Variants in ACVR1C observed in about 807,000 individuals in gnomAD.
ACVR1C encodes the protein activin receptor type-1C.
A neutral mutation model predicts 57.9 loss-of-function variants in ACVR1C; 23 were observed. That is an observed-to-expected ratio of 0.40 (90% confidence interval 0.29 to 0.56). The LOEUF (loss-of-function observed/expected upper bound fraction) is 0.56, where lower values mean the gene tolerates loss of function less well. ACVR1C is among the 20% of genes least tolerant of loss of function. The pLI, the probability that ACVR1C is intolerant of heterozygous loss-of-function variation, is 0.50. For missense variants in ACVR1C, 480 were observed against 607.9 expected (o/e 0.79, Z 2.21); for synonymous variants, 214 against 215.3 (o/e 0.99, Z 0.05).
intron 1 of ACVR1C, among the ~76,000 whole-genome samples, chr2:157,587,638 A>T (rs1476164917): frequency 1.3e-5 from 2 of 152,060 alleles, no homozygotes; most frequent in African/African-American, 4.8e-5. Context: ...TTTGTGATTT[A>T]TTCCAGTTGC....
chr2:157,534,142 T>A, intron 8 of ACVR1C, 99 bp from the exon 9 acceptor site: 3 of 720,196 alleles, frequency 4.2e-6, no homozygotes, highest in Non-Finnish European at 5.5e-6. Context: ...ATGCTAAGCT[T>A]TTTTTTTTTT....
chr2:157,558,010 T>G (rs1400938495), intron 2 of ACVR1C, among the ~76,000 whole-genome samples: 1 of 152,180 alleles, frequency 6.6e-6, no homozygotes, highest in South Asian at 2.1e-4. Flanking sequence ...GTCCTACTAC[T>G]GTGGTGTTGA....
At chr2:157,612,905 A>T (rs1234760433) in intron 1 of ACVR1C, among the ~76,000 whole-genome samples, 1 of 152,044 alleles carries the variant, frequency 6.6e-6, no homozygotes, top group Non-Finnish European at 1.5e-5. Context: ...TGACAGCAGA[A>T]CTCTCACAAT....
chr2:157,545,129 T>C (rs1015858480), intron 4 of ACVR1C, among the ~76,000 whole-genome samples: 3 of 152,332 alleles, frequency 2.0e-5, no homozygotes, highest in South Asian at 2.1e-4. Context: ...CAAAAGCTTA[T>C]AGTAAGAGCC....
At chr2:157,575,844 A>C (rs1344743263) in intron 2 of ACVR1C, among the ~76,000 whole-genome samples, 1 of 152,196 alleles carries the variant, frequency 6.6e-6, no homozygotes, top group East Asian at 1.9e-4. Context: ...ATGTGCAAAA[A>C]AACAAGTCAG....
intron 4 of ACVR1C, among the ~76,000 whole-genome samples, chr2:157,548,946 C>T (rs150438929): frequency 3.9e-4 from 59 of 152,220 alleles, no homozygotes; most frequent in African/African-American, 1.3e-3. Flanking sequence ...GGCTGTCATA[C>T]GGATGAAAAA....
intron 1 of ACVR1C, among the ~76,000 whole-genome samples, chr2:157,607,179 T>C (rs897882623): frequency 3.9e-5 from 6 of 151,970 alleles, no homozygotes; most frequent in Admixed American, 3.9e-4. Flanking sequence ...TATGTGTCTA[T>C]TTTTATACCA....
In ACVR1C at chr2:157,606,029, C is replaced by T. The variant is rs371433603; in HGVS notation, c.74-18612G>A. Among the ~76,000 whole-genome samples, 25 of 151,682 alleles carry T rather than the reference C, an allele frequency of 1.6e-4. No homozygotes were observed. The Middle Eastern group carries it at 0.01, about 62-fold the overall frequency. ...TCATGAGAGCAAGTTTTTTAACTCC[C>T]ACATATGAATGAGAACATATGGTAT... On this transcript the variant is annotated intron_variant, in intron 1 of 8. Transcript: ENST00000243349.
At chr2:157,562,306 AT>A (rs1172282199) in intron 2 of ACVR1C, among the ~76,000 whole-genome samples, 1,220 of 109,488 alleles carry the variant, frequency 0.011, 10 homozygotes, top group Non-Finnish European at 0.014. Flanking sequence ...AAAAAAAAAA[AT>A]ATATATATAT....
chr2:157,546,817 AT>A (rs1247308654), intron 4 of ACVR1C, among the ~76,000 whole-genome samples: 7 of 151,786 alleles, frequency 4.6e-5, no homozygotes, highest in East Asian at 1.9e-4. Flanking sequence ...ATTTTATTTT[AT>A]TTTTTTTCTT....
chr2:157,613,051 C>G (rs1384575991), intron 1 of ACVR1C, among the ~76,000 whole-genome samples: 1 of 152,218 alleles, frequency 6.6e-6, no homozygotes, highest in Non-Finnish European at 1.5e-5. Flanking sequence ...TAGAGGAGCT[C>G]TCCCATGGCA....
At chr2:157,534,551 C>T (rs748300641) in intron 8 of ACVR1C, among the ~76,000 whole-genome samples, 2 of 151,534 alleles carry the variant, frequency 1.3e-5, no homozygotes, top group South Asian at 2.1e-4. Flanking sequence ...CAAGTGTAAA[C>T]GTACGAAAAA....
Position 157,556,218 on chromosome 2 carries a change from T to G in ACVR1C, c.419A>C (p.Gln140Pro). The change falls in exon 3 of 9, where the codon CAG (glutamine) becomes CCG (proline). Residue 140 changes from glutamine to proline, a missense_variant. Coordinates refer to ENST00000243349, the MANE Select transcript of ACVR1C (RefSeq NM_145259.3). ...TCTCTTTTTCTTCCTGTAGGAGCACTGTCGACCCTGGCATGCCCATACTGT... is the reference window on the plus strand; with the variant it reads ...TCTCTTTTTCTTCCTGTAGGAGCACGGTCGACCCTGGCATGCCCATACTGT... ...MLTVWACQGR[Q>P]CSYRKKKRPN... 6.2e-7 allele frequency: 1 copy of G among 1,614,118 alleles called. No homozygotes were observed. The highest frequency in any genetic ancestry group is 8.5e-7 in the Non-Finnish European group (1 of 1,179,988).
chr2:157,616,718 G>A (rs1682659436), intron 1 of ACVR1C, among the ~76,000 whole-genome samples: 1 of 152,070 alleles, frequency 6.6e-6, no homozygotes, highest in African/African-American at 2.4e-5. Context: ...GAAGTAAGAA[G>A]ATTGAAGTGT....
intron 1 of ACVR1C, among the ~76,000 whole-genome samples, chr2:157,615,732 A>AT (rs949884786): frequency 6.6e-6 from 1 of 152,100 alleles, no homozygotes; most frequent in Non-Finnish European, 1.5e-5. Flanking sequence ...TGGGTTGGCA[A>AT]TTTTTTACTC....
At chr2:157,602,263 A>G (rs1325522118) in intron 1 of ACVR1C, among the ~76,000 whole-genome samples, 1 of 152,252 alleles carries the variant, frequency 6.6e-6, no homozygotes, top group Admixed American at 6.5e-5. Context: ...CAACAGAAAA[A>G]TGAACAAAGT....
intron 1 of ACVR1C, among the ~76,000 whole-genome samples, chr2:157,593,590 A>T (rs1415641715): frequency 6.6e-6 from 1 of 152,202 alleles, no homozygotes; most frequent in Non-Finnish European, 1.5e-5. Context: ...AAAGGGAACA[A>T]TTCAAGCTTT....
chr2:157,529,964 T>G lies in ACVR1C; in HGVS notation c.*3954A>C, dbSNP rs1247229630. On this transcript the variant is annotated 3_prime_UTR_variant, in exon 9 of 9. Transcript: ENST00000243349. ...GCTCTCAAGATAAAAGAATTACTGT[T>G]TTCACTAAAATAGCAGAAAAACTCC... 1.3e-5 allele frequency: 2 copies of G among 152,036 alleles called. No individual in the cohort carries two copies. The highest frequency in any genetic ancestry group is 2.9e-5 in the Non-Finnish European group (2 of 67,964). 9.4% of individuals were successfully genotyped at this position (152,036 alleles called of 1,614,324 possible). A position where few individuals can be genotyped will look rare whatever the true frequency, so the allele number is the denominator to read the frequency against.
intron 4 of ACVR1C, among the ~76,000 whole-genome samples, chr2:157,549,831 A>T (rs1006441336): frequency 8.7e-5 from 10 of 114,478 alleles, no homozygotes; most frequent in African/African-American, 3.7e-4. Context: ...TAAAAATACA[A>T]AAAAAAAAAA....
Sources: gnomAD v4.1 joint callset for allele counts (sites outside exome capture counted in the v4.1 genomes callset) on GRCh38, gnomAD v4.1.1 for gene constraint, MANE v1.5 for transcripts, NCBI Gene and HGNC (gene_info 2026-07-23, HGNC 2026-07-21) for gene names.